MAF: variants seen among roughly 807,000 people sequenced by gnomAD.
The protein encoded by MAF is transcription factor Maf.
In MAF, 10 loss-of-function variants were observed where a neutral mutation model predicts 22.0. That is an observed-to-expected ratio of 0.45 (90% confidence interval 0.28 to 0.77). The LOEUF (loss-of-function observed/expected upper bound fraction) is 0.77, where lower values mean the gene tolerates loss of function less well. Among genes scored for constraint, MAF ranks in the 30% least tolerant of loss-of-function variants. The probability of loss-of-function intolerance (pLI) is 0.12; values close to 1 mark genes in which losing one functional copy is unlikely to be tolerated. For missense variants in MAF, 544 were observed against 548.4 expected (o/e 0.99, Z 0.08); for synonymous variants, 337 against 255.8 (o/e 1.32, Z -3.03).
the MAF span, chr16:79,204,827 T>C: frequency 1.3e-5 from 2 of 152,218 alleles, no homozygotes; most frequent in African/African-American, 4.8e-5. Context: ...CTTTCCAGCT[T>C]TCCATCCTGA....
chr16:79,247,111 G>A, the MAF span, among the ~76,000 whole-genome samples: 1 of 152,224 alleles, frequency 6.6e-6, no homozygotes, highest in Non-Finnish European at 1.5e-5. Flanking sequence ...GGTGGTCAGG[G>A]AAGGCCTCCC....
the MAF span, among the ~76,000 whole-genome samples, chr16:79,480,968 A>G: frequency 6.6e-6 from 1 of 152,072 alleles, no homozygotes; most frequent in African/African-American, 2.4e-5. Context: ...ACCATCAAAA[A>G]AGCACCCCCA....
chr16:79,224,300 A>G, the MAF span, among the ~76,000 whole-genome samples: 1 of 152,222 alleles, frequency 6.6e-6, no homozygotes, highest in Admixed American at 6.5e-5. Flanking sequence ...GCCTTCAACA[A>G]AATTCAACAA....
At chr16:79,349,653 C>G in the MAF span, among the ~76,000 whole-genome samples, 1 of 152,102 alleles carries the variant, frequency 6.6e-6, no homozygotes, top group Non-Finnish European at 1.5e-5. Flanking sequence ...AGGATCATGC[C>G]CTTCACACAT....
the MAF span, among the ~76,000 whole-genome samples, chr16:79,237,344 C>T: frequency 6.6e-6 from 1 of 152,068 alleles, no homozygotes; most frequent in Admixed American, 6.6e-5. Context: ...ATTAAAGCCT[C>T]ATGGCGTTTG....
At chr16:79,329,182 A>C in the MAF span, among the ~76,000 whole-genome samples, 76,619 of 151,672 alleles carry the variant, frequency 0.51, 20,912 homozygotes, top group Non-Finnish European at 0.62. Context: ...GGTTAAAGGA[A>C]ACCTTATTTC....
At chr16:79,311,260 C>G in the MAF span, among the ~76,000 whole-genome samples, 3 of 151,700 alleles carry the variant, frequency 2.0e-5, no homozygotes, top group African/African-American at 7.3e-5. Flanking sequence ...TTCCTTTTTT[C>G]TCTTTTCTTT....
At chr16:79,302,741 T>C in the MAF span, among the ~76,000 whole-genome samples, 1 of 152,272 alleles carries the variant, frequency 6.6e-6, no homozygotes, top group Non-Finnish European at 1.5e-5. Flanking sequence ...TGAAGTTAAA[T>C]GTTGGCATTT....
intron 1 of MAF, chr16:79,595,349 T>G (rs1264653172): frequency 2.6e-5 from 27 of 1,051,048 alleles, no homozygotes; most frequent in Non-Finnish European, 3.1e-5. Context: ...GGCCAGAACT[T>G]AGCAGCACCA....
the MAF span, among the ~76,000 whole-genome samples, chr16:79,535,606 C>T: frequency 2.1e-4 from 7 of 33,310 alleles, no homozygotes; most frequent in Non-Finnish European, 3.5e-4. Flanking sequence ...TTTTTTTTTC[C>T]GAGACAGAGT....
At chr16:79,322,403 A>T in the MAF span, among the ~76,000 whole-genome samples, 1 of 152,288 alleles carries the variant, frequency 6.6e-6, no homozygotes, top group Admixed American at 6.5e-5. Flanking sequence ...TAGGAAGGGA[A>T]TCTTCTTTTC....
At position 79,599,515 on chromosome 16, in the gene MAF, C is replaced by T; in HGVS notation, c.388G>A (p.Gly130Ser). 1 of 1,534,048 alleles carries T rather than the reference C, an allele frequency of 6.5e-7. No individual in the cohort carries two copies. Among genetic ancestry groups the T allele is most frequent in the Non-Finnish European group, 8.8e-7 (1 of 1,141,322 alleles). The change falls in exon 1 of 2, where the codon GGC (glycine) becomes AGC (serine). Residue 130 changes from glycine to serine, a missense_variant. Physicochemically the swap from Gly to Ser is moderately conservative, Grantham distance 56. This residue lies in a region of MAF where 342 missense variants were observed against 315.5 expected (regional missense o/e 1.08). Transcript: ENST00000326043. Reference protein sequence around the residue: ...NSHQLQGGFDGYARGAQQLAA... With the variant: ...NSHQLQGGFDSYARGAQQLAA... ...AGCTGCTGCGCCCCGCGCGCGTAGC[C>T]ATCGAAGCCGCCCTGGAGCTGGTGG... is the stretch of plus-strand genomic sequence containing the variant.
chr16:79,248,491 T>G, the MAF span, among the ~76,000 whole-genome samples: 1 of 152,202 alleles, frequency 6.6e-6, no homozygotes, highest in South Asian at 2.1e-4. Flanking sequence ...GAGACTTGTT[T>G]TTCCACAGGA....
the MAF span, chr16:79,229,449 G>C: frequency 1.3e-5 from 2 of 152,124 alleles, no homozygotes; most frequent in African/African-American, 2.4e-5. Flanking sequence ...CCTTTCCGTT[G>C]TCCGTGGAAT....
At chr16:79,443,608 G>C in the MAF span, among the ~76,000 whole-genome samples, 24 of 152,212 alleles carry the variant, frequency 1.6e-4, no homozygotes, top group Admixed American at 1.0e-3. Flanking sequence ...TCTCCATCTA[G>C]GAACAAATCC....
At chr16:79,485,138 C>T in the MAF span, among the ~76,000 whole-genome samples, 1 of 152,208 alleles carries the variant, frequency 6.6e-6, no homozygotes, top group Non-Finnish European at 1.5e-5. Flanking sequence ...AAGCCAGTTT[C>T]CTCCAGGAAC....
chr16:79,212,698 GTT>G, the MAF span: 1 of 148,406 alleles, frequency 6.7e-6, no homozygotes, highest in Non-Finnish European at 1.5e-5. Context: ...TTCTTTAAAT[GTT>G]TGTTTCAGTT....
the MAF span, among the ~76,000 whole-genome samples, chr16:79,393,144 C>T: frequency 6.6e-6 from 1 of 152,192 alleles, no homozygotes; most frequent in Non-Finnish European, 1.5e-5. Context: ...GCACTTATTT[C>T]CTTTACATTA....
At chr16:79,335,570 C>T in the MAF span, among the ~76,000 whole-genome samples, 9 of 152,072 alleles carry the variant, frequency 5.9e-5, no homozygotes, top group African/African-American at 1.2e-4. Flanking sequence ...AGAGGCAGGT[C>T]GGGGGTCAGC....
Sources: allele counts gnomAD v4.1 joint callset (sites outside exome capture counted in the v4.1 genomes callset), GRCh38; gene constraint gnomAD v4.1.1; regional missense constraint gnomAD v4.1.1; transcripts MANE v1.5; gene names NCBI Gene and HGNC (gene_info 2026-07-23, HGNC 2026-07-21).